RGS6: variants seen among roughly 807,000 people sequenced by gnomAD.
RGS6 encodes the protein regulator of G protein signaling 6.
RGS6 carries 30 observed loss-of-function variants against 78.5 expected under a neutral mutation model. The observed-to-expected ratio is 0.38, with a 90% confidence interval of 0.29 to 0.52. RGS6 has a LOEUF of 0.52. RGS6 is among the 20% of genes least tolerant of loss of function. The pLI, the probability that RGS6 is intolerant of heterozygous loss-of-function variation, is 0.85. For synonymous variants in RGS6, 206 were observed against 206.0 expected (o/e 1.00, Z 0.00); for missense variants, 495 against 609.7 (o/e 0.81, Z 1.98).
chr14:72,543,443 G>C (rs1332951806), intron 17 of RGS6, among the ~76,000 whole-genome samples: 1 of 152,182 alleles, frequency 6.6e-6, no homozygotes, highest in Non-Finnish European at 1.5e-5. Flanking sequence ...GCCTGTCTCT[G>C]CCTAATCCTG....
At chr14:72,014,989 T>A (rs1416750177) in intron 2 of RGS6, among the ~76,000 whole-genome samples, 1 of 152,220 alleles carries the variant, frequency 6.6e-6, no homozygotes, top group South Asian at 2.1e-4. Context: ...GTCTTTGAGG[T>A]TTATCCATGT....
intron 2 of RGS6, among the ~76,000 whole-genome samples, chr14:72,212,783 C>A (rs2044497829): frequency 6.6e-6 from 1 of 152,116 alleles, no homozygotes; most frequent in Non-Finnish European, 1.5e-5. Context: ...TAGGCTCATG[C>A]AAGAGGAAAG....
At chr14:72,254,385 G>A (rs1056109618) in intron 2 of RGS6, among the ~76,000 whole-genome samples, 1 of 152,134 alleles carries the variant, frequency 6.6e-6, no homozygotes, top group African/African-American at 2.4e-5. Context: ...TTGGGGCCAC[G>A]CCTCTTGTGC....
At chr14:72,529,803 G>A (rs564281301) in intron 15 of RGS6, among the ~76,000 whole-genome samples, 6 of 152,322 alleles carry the variant, frequency 3.9e-5, no homozygotes, top group South Asian at 2.1e-4. Context: ...TTCATACCCT[G>A]TGCCTGTACT....
chr14:72,279,652 TAG>T (rs2061264464), intron 2 of RGS6, among the ~76,000 whole-genome samples: 3 of 152,142 alleles, frequency 2.0e-5, no homozygotes, highest in Admixed American at 2.0e-4. Flanking sequence ...GTTAGTGGCC[TAG>T]AAACTGATCT....
Position 72,454,530 on chromosome 14 carries a change from A to G in RGS6, c.187A>G (p.Thr63Ala). 6.2e-7 allele frequency: 1 copy of G among 1,614,092 alleles called. No individual in the cohort carries two copies. Among genetic ancestry groups the G allele is most frequent in the Non-Finnish European group, 8.5e-7 (1 of 1,179,992 alleles). ...CTGAAATTGCTTTATCGTTGCAGGT[A>G]CTGACATTGTGCAGTGGCTTATGAA... ...LSKIPSVVTG[T>A]DIVQWLMKNL... is the part of the protein sequence containing the mutation. The change falls in exon 4 of 18, where the codon ACT becomes GCT. Residue 63 changes from threonine to alanine, a missense_variant and splice_region_variant. By Grantham distance (58) the Thr-to-Ala change is moderately conservative (BLOSUM62 0). Coordinates refer to ENST00000553525, the MANE Select transcript of RGS6 (RefSeq NM_001204424.2).
chr14:72,100,612 A>C (rs1168528545), intron 2 of RGS6, among the ~76,000 whole-genome samples: 1 of 152,240 alleles, frequency 6.6e-6, no homozygotes, highest in Non-Finnish European at 1.5e-5. Flanking sequence ...TTTCAGTTGA[A>C]GATGTCACAA....
intron 2 of RGS6, among the ~76,000 whole-genome samples, chr14:72,026,644 G>C (rs989058149): frequency 6.6e-6 from 1 of 152,136 alleles, no homozygotes; most frequent in African/African-American, 2.4e-5. Context: ...GTGTGCCTCT[G>C]AACATCTCAC....
chr14:72,195,685 T>A (rs1428012012), intron 2 of RGS6, among the ~76,000 whole-genome samples: 2 of 152,188 alleles, frequency 1.3e-5, no homozygotes, highest in Non-Finnish European at 2.9e-5. Flanking sequence ...CTAGGAGAAC[T>A]TTTTATAAGC....
intron 2 of RGS6, among the ~76,000 whole-genome samples, chr14:71,989,239 G>C (rs952118774): frequency 1.3e-5 from 2 of 152,238 alleles, no homozygotes; most frequent in African/African-American, 4.8e-5. Flanking sequence ...GTAAACCCAT[G>C]CCTGGGCCTC....
rs2096251273 is a variant in RGS6, at chr14:72,476,771, G to A, written c.723G>A (p.Gln241=). 1 of 1,614,046 alleles carries A rather than the reference G, an allele frequency of 6.2e-7. No homozygotes were observed. The highest frequency in any genetic ancestry group is 8.5e-7 in the Non-Finnish European group (1 of 1,180,018). The change falls in exon 11 of 18, where the codon CAG becomes CAA. Residue 241 remains glutamine (Q), a synonymous_variant. Coordinates refer to ENST00000553525, the MANE Select transcript of RGS6 (RefSeq NM_001204424.2). ...TGTATGGCGTGACTGAAGAGTCCCAGGCACAGAGCCCGGTGCATGTACTCA... is the reference window on the plus strand; with the variant it reads ...TGTATGGCGTGACTGAAGAGTCCCAAGCACAGAGCCCGGTGCATGTACTCA... ...KSVYGVTEES[Q]AQSPVHVLSQ... is the part of the protein sequence containing the mutation.
intron 3 of RGS6, among the ~76,000 whole-genome samples, chr14:72,422,993 A>G (rs2094265652): frequency 6.6e-6 from 1 of 152,204 alleles, no homozygotes; most frequent in Non-Finnish European, 1.5e-5. Context: ...ACTGGGAGAG[A>G]ATAAATTTCC....
intron 3 of RGS6, among the ~76,000 whole-genome samples, chr14:72,425,085 C>T (rs10136417): frequency 2.0e-5 from 3 of 152,042 alleles, no homozygotes; most frequent in Non-Finnish European, 4.4e-5. Flanking sequence ...GGCAATATTG[C>T]GAGCATAATA....
At chr14:72,054,228 T>G (rs2093492172) in intron 2 of RGS6, among the ~76,000 whole-genome samples, 1 of 151,956 alleles carries the variant, frequency 6.6e-6, no homozygotes, top group Non-Finnish European at 1.5e-5. Flanking sequence ...ATTGTTAAAT[T>G]ATACATTGGA....
At chr14:71,929,016 C>G (rs895692268), upstream of RGS6, among the ~76,000 whole-genome samples, 2 of 152,128 alleles carry the variant, frequency 1.3e-5, no homozygotes, top group Non-Finnish European at 2.9e-5. Flanking sequence ...TAATAAATTA[C>G]AAAAGCTATA....
chr14:72,320,312 C>A (rs1252833481), intron 2 of RGS6, among the ~76,000 whole-genome samples: 1 of 152,202 alleles, frequency 6.6e-6, no homozygotes, highest in Non-Finnish European at 1.5e-5. Flanking sequence ...GGCGTGGTGG[C>A]TAACACCTGT....
intron 2 of RGS6, among the ~76,000 whole-genome samples, chr14:72,240,727 A>T (rs1353625164): frequency 6.6e-6 from 1 of 152,148 alleles, no homozygotes; most frequent in African/African-American, 2.4e-5. Context: ...AAGGTATGTG[A>T]TGGTCATTTT....
intron 17 of RGS6, chr14:72,541,482 A>G (rs932633394): frequency 6.5e-7 from 1 of 1,535,684 alleles, no homozygotes; most frequent in Admixed American, 2.0e-5. Context: ...TGTGCAGAAC[A>G]CAAGGCCTGC....
intron 2 of RGS6, among the ~76,000 whole-genome samples, chr14:72,073,411 C>G (rs1465839496): frequency 6.6e-6 from 1 of 152,168 alleles, no homozygotes; most frequent in Non-Finnish European, 1.5e-5. Context: ...ATATTAAACA[C>G]TGAGAGAAAT....
Sources: gnomAD v4.1 joint callset for allele counts (sites outside exome capture counted in the v4.1 genomes callset) on GRCh38, gnomAD v4.1.1 for gene constraint, MANE v1.5 for transcripts, NCBI Gene and HGNC (gene_info 2026-07-23, HGNC 2026-07-21) for gene names.